HTR1F: variants seen among roughly 807,000 people sequenced by gnomAD.
The protein encoded by HTR1F is 5-hydroxytryptamine (serotonin) receptor 1F, G protein-coupled.
A neutral mutation model predicts 24.0 loss-of-function variants in HTR1F; 17 were observed. The ratio of observed to expected loss-of-function variants is 0.71; its 90% CI spans 0.48 to 1.06. The LOEUF is 1.06. HTR1F is among the 50% of genes least tolerant of loss of function. The pLI is 0.00. For missense variants in HTR1F, 391 were observed against 427.8 expected, an observed-to-expected ratio of 0.91 and a Z score of 0.76; for synonymous variants, 186 against 156.8, an observed-to-expected ratio of 1.19 and a Z score of -1.39.
chr3:87,923,458 G>T (rs1244752694), intron 2 of HTR1F, among the ~76,000 whole-genome samples: 1 of 151,300 alleles, frequency 6.6e-6, no homozygotes, highest in African/African-American at 2.4e-5. Flanking sequence ...GATTTTTTTG[G>T]TCCTTGATTA....
intron 2 of HTR1F, among the ~76,000 whole-genome samples, chr3:87,930,596 T>G (rs1704238747): frequency 6.6e-6 from 1 of 152,202 alleles, no homozygotes; most frequent in African/African-American, 2.4e-5. Flanking sequence ...ATTTATTGAT[T>G]TGTGTATGTT....
At chr3:87,855,617 C>A (rs1213128871) in intron 2 of HTR1F, among the ~76,000 whole-genome samples, 1 of 152,046 alleles carries the variant, frequency 6.6e-6, no homozygotes, top group Non-Finnish European at 1.5e-5. Context: ...ATTACTTATA[C>A]AGTTGTTCTG....
chr3:87,953,352 CA>C (rs36096688), intron 2 of HTR1F, among the ~76,000 whole-genome samples: 9,530 of 144,162 alleles, frequency 0.066, 905 homozygotes, highest in African/African-American at 0.21. Flanking sequence ...GATTTAACGG[CA>C]AAAAAAAAAA....
chr3:87,926,658 C>A (rs1363212912), intron 2 of HTR1F, among the ~76,000 whole-genome samples: 1 of 152,004 alleles, frequency 6.6e-6, no homozygotes, highest in African/African-American at 2.4e-5. Context: ...ATAGTGTATA[C>A]TGAAAGATCG....
chr3:87,806,624 T>G (rs1704078556), intron 1 of HTR1F, among the ~76,000 whole-genome samples: 1 of 152,094 alleles, frequency 6.6e-6, no homozygotes, highest in African/African-American at 2.4e-5. Flanking sequence ...ACTCTGCTGA[T>G]TATTGCTTTG....
intron 1 of HTR1F, among the ~76,000 whole-genome samples, chr3:87,800,691 T>C (rs568054416): frequency 1.3e-5 from 2 of 152,336 alleles, no homozygotes; most frequent in South Asian, 2.1e-4. Context: ...TCTGTGACTC[T>C]TGTGTTGCCT....
chr3:87,843,444 A>G (rs1225932332), intron 2 of HTR1F, among the ~76,000 whole-genome samples: 4 of 151,194 alleles, frequency 2.6e-5, no homozygotes, highest in Admixed American at 2.0e-4. Context: ...GAGAGCAAAC[A>G]TAAATTTCTT....
intron 2 of HTR1F, among the ~76,000 whole-genome samples, chr3:87,930,228 A>C (rs1419143631): frequency 1.3e-5 from 2 of 152,172 alleles, no homozygotes; most frequent in Non-Finnish European, 2.9e-5. Context: ...TGTCATCTGC[A>C]AACAGTGATA....
intron 2 of HTR1F, among the ~76,000 whole-genome samples, chr3:87,933,065 A>G (rs1429404974): frequency 6.6e-6 from 1 of 150,598 alleles, no homozygotes; most frequent in East Asian, 1.9e-4. Context: ...AAATCAATAA[A>G]TGTAATCCAG....
chr3:87,974,391 C>T (rs17025214), intron 2 of HTR1F, among the ~76,000 whole-genome samples: 33,346 of 152,052 alleles, frequency 0.22, 4,389 homozygotes, highest in Non-Finnish European at 0.3. Flanking sequence ...TTGACTGGCT[C>T]GTACTAATGA....
At chr3:87,813,701 C>T (rs756861070) in intron 1 of HTR1F, among the ~76,000 whole-genome samples, 6 of 152,122 alleles carry the variant, frequency 3.9e-5, no homozygotes, top group Admixed American at 2.0e-4. Context: ...ACTCACATGT[C>T]GAGAAAGGGA....
chr3:87,842,458 G>A (rs115852815), intron 2 of HTR1F, among the ~76,000 whole-genome samples: 9,341 of 151,674 alleles, frequency 0.062, 432 homozygotes, highest in East Asian at 0.16. Context: ...CACCGCACCC[G>A]GCCAAAACAA....
intron 2 of HTR1F, among the ~76,000 whole-genome samples, chr3:87,873,897 A>G (rs1203859640): frequency 4.6e-5 from 7 of 152,166 alleles, no homozygotes; most frequent in Admixed American, 4.6e-4. Flanking sequence ...CTCAATAGAT[A>G]CAGAAAATGT....
chr3:87,794,245 T>A (rs1311057947), intron 1 of HTR1F, among the ~76,000 whole-genome samples: 1 of 152,164 alleles, frequency 6.6e-6, no homozygotes, highest in East Asian at 1.9e-4. Context: ...TCTCTTCCTC[T>A]TCTTCCTCTC....
chr3:87,951,178 C>A (rs1175606794), intron 2 of HTR1F, among the ~76,000 whole-genome samples: 4 of 152,094 alleles, frequency 2.6e-5, no homozygotes, highest in African/African-American at 4.8e-5. Context: ...TATACATGAT[C>A]TCTGTGATTT....
At chr3:87,796,820 A>G (rs1172370496) in intron 1 of HTR1F, among the ~76,000 whole-genome samples, 6 of 152,200 alleles carry the variant, frequency 3.9e-5, no homozygotes, top group Non-Finnish European at 8.8e-5. Context: ...TAGATTGGTG[A>G]CCTAGTGATT....
At chr3:87,981,889 T>C (rs777070543) in intron 2 of HTR1F, among the ~76,000 whole-genome samples, 4 of 152,110 alleles carry the variant, frequency 2.6e-5, no homozygotes, top group Non-Finnish European at 5.9e-5. Context: ...ATTTAAGCAA[T>C]GAGGTGTGCG....
intron 2 of HTR1F, among the ~76,000 whole-genome samples, chr3:87,979,739 C>G (rs1705500111): frequency 6.6e-6 from 1 of 152,188 alleles, no homozygotes; most frequent in South Asian, 2.1e-4. Flanking sequence ...TGGAGTGGAG[C>G]AGCAAGGGGT....
At chr3:87,858,676 T>C (rs554218615) in intron 2 of HTR1F, among the ~76,000 whole-genome samples, 1 of 152,244 alleles carries the variant, frequency 6.6e-6, no homozygotes, top group African/African-American at 2.4e-5. Context: ...TTTTTTGTTT[T>C]ACCATGGAAT....
Sources: gnomAD v4.1 joint callset for allele counts (sites outside exome capture counted in the v4.1 genomes callset) on GRCh38, gnomAD v4.1.1 for gene constraint, MANE v1.5 for transcripts, NCBI Gene and HGNC (gene_info 2026-07-23, HGNC 2026-07-21) for gene names.